COL11A1: variants seen among roughly 807,000 people sequenced by gnomAD.
COL11A1 encodes collagen alpha-1(XI) chain.
COL11A1 carries 74 observed loss-of-function variants against 265.2 expected under a neutral mutation model. The ratio of observed to expected loss-of-function variants is 0.28; its 90% CI spans 0.23 to 0.34. COL11A1 has a LOEUF of 0.34. Among genes scored for constraint, COL11A1 ranks in the 10% least tolerant of loss-of-function variants. COL11A1 has a pLI of 1.00. For synonymous variants in COL11A1, 816 were observed against 727.6 expected (o/e 1.12, Z -1.96); for missense variants, 2,165 against 2,263.6 (o/e 0.96, Z 0.88).
chr1:102,945,662 C>G (rs891957749), intron 42 of COL11A1, among the ~76,000 whole-genome samples: 2 of 151,942 alleles, frequency 1.3e-5, no homozygotes, highest in African/African-American at 4.8e-5. Context: ...TACTTTTTAT[C>G]TACATTTACT....
chr1:103,053,165 C>A (rs752979180), intron 4 of COL11A1, among the ~76,000 whole-genome samples: 1 of 152,116 alleles, frequency 6.6e-6, no homozygotes, highest in Non-Finnish European at 1.5e-5. Flanking sequence ...AGGGCAATGC[C>A]CCTTTTAGAG....
At chr1:102,910,216 AT>A (rs1215286605) in intron 54 of COL11A1, among the ~76,000 whole-genome samples, 1 of 151,916 alleles carries the variant, frequency 6.6e-6, no homozygotes, top group Non-Finnish European at 1.5e-5. Flanking sequence ...TACTTAAAAA[AT>A]TTTTCAAAAA....
At position 103,078,671 on chromosome 1, in the gene COL11A1, T is replaced by C. The variant is rs774693614; in HGVS notation, c.475A>G (p.Ile159Val). ...TTTGTTACTTACTTCCCGTCAGCGA[T>C]GTTAACAGTTCTGAAGAGGGGATAG... Reference protein sequence around the residue: ...EDYPLFRTVNIADGKWHRVAI... With the variant: ...EDYPLFRTVNVADGKWHRVAI... The change falls in exon 3 of 67, where the codon ATC (isoleucine) becomes GTC (valine). Residue 159 changes from isoleucine to valine, a missense_variant. Physicochemically the swap from Ile to Val is conservative, Grantham distance 29. Coordinates refer to ENST00000370096, the MANE Select transcript of COL11A1 (RefSeq NM_001854.4). The C allele has an allele frequency of 6.8e-6, 11 of 1,613,178 alleles. No homozygotes were observed. The East Asian group carries it at 2.5e-4, about 36-fold the overall frequency.
intron 4 of COL11A1, among the ~76,000 whole-genome samples, chr1:103,059,288 G>T (rs1670476337): frequency 6.6e-6 from 1 of 152,048 alleles, no homozygotes; most frequent in Admixed American, 6.6e-5. Context: ...AAGGTCATGG[G>T]GTGAGGGACT....
Position 102,921,588 on chromosome 1 carries a change from T to C in COL11A1, c.3655-17A>G, listed in dbSNP as rs1278748425. On this transcript the variant is annotated splice_polypyrimidine_tract_variant and intron_variant, in intron 47 of 66. Transcript: ENST00000370096. Reference sequence around the variant, plus strand: ...AGGTGGCCCCTGTAAGAGAGAAATATTGAGGTTTACAAAGACCAAATTCAA... The same window carrying C: ...AGGTGGCCCCTGTAAGAGAGAAATACTGAGGTTTACAAAGACCAAATTCAA... 27 of 1,607,214 alleles carry C rather than the reference T, an allele frequency of 1.7e-5. No homozygotes were observed. Among genetic ancestry groups the C allele is most frequent in the Middle Eastern group, 1.7e-4 (1 of 6,050 alleles).
intron 43 of COL11A1, among the ~76,000 whole-genome samples, chr1:102,940,086 T>C (rs145529423): frequency 1.8e-3 from 270 of 152,328 alleles, no homozygotes; most frequent in African/African-American, 5.7e-3. Context: ...TACTAGTTTT[T>C]CTCACTACCA....
intron 32 of COL11A1, 26 bp downstream of exon 32, chr1:102,979,355 AG>A: frequency 6.4e-7 from 1 of 1,567,174 alleles, no homozygotes; most frequent in Non-Finnish European, 8.8e-7. Flanking sequence ...TTATATACAT[AG>A]TTCAAAACAT....
At chr1:102,939,644 C>CA (rs1376221877) in intron 43 of COL11A1, among the ~76,000 whole-genome samples, 6 of 151,886 alleles carry the variant, frequency 4.0e-5, no homozygotes, top group Non-Finnish European at 2.9e-5. Context: ...TTTGAGGCTG[C>CA]AGTGAGCCCT....
At chr1:103,056,764 AT>A (rs1298831000) in intron 4 of COL11A1, among the ~76,000 whole-genome samples, 1 of 152,104 alleles carries the variant, frequency 6.6e-6, no homozygotes. Flanking sequence ...TATTGCCAAG[AT>A]TTTTTTCAGT....
At chr1:103,056,220 G>C (rs192584466) in intron 4 of COL11A1, among the ~76,000 whole-genome samples, 54 of 152,226 alleles carry the variant, frequency 3.5e-4, no homozygotes, top group African/African-American at 1.2e-3. Context: ...AAGTGTACGG[G>C]AATCTGAGAT....
chr1:103,087,385 T>G (rs1455471984), intron 1 of COL11A1, among the ~76,000 whole-genome samples: 1 of 152,198 alleles, frequency 6.6e-6, no homozygotes, highest in Non-Finnish European at 1.5e-5. Context: ...ACCAACTTGA[T>G]TAAGCTTCCA....
At chr1:102,977,754 G>A (rs1662640056) in intron 35 of COL11A1, among the ~76,000 whole-genome samples, 1 of 151,972 alleles carries the variant, frequency 6.6e-6, no homozygotes, top group African/African-American at 2.4e-5. Flanking sequence ...CTTAATTTGG[G>A]AACAGTTCAT....
intron 46 of COL11A1, among the ~76,000 whole-genome samples, chr1:102,928,461 T>C (rs949292160): frequency 3.9e-5 from 6 of 152,148 alleles, no homozygotes; most frequent in African/African-American, 1.4e-4. Context: ...TAGTATTTCA[T>C]GGTGTATATG....
intron 36 of COL11A1, among the ~76,000 whole-genome samples, 198 bp downstream of exon 36, chr1:102,974,629 TTAA>T (rs1302347151): frequency 6.6e-6 from 1 of 152,160 alleles, no homozygotes; most frequent in Non-Finnish European, 1.5e-5. Flanking sequence ...CAAAAAATAC[TTAA>T]TAAGAGATGT....
At chr1:102,964,121 C>G (rs896041740) in intron 38 of COL11A1, among the ~76,000 whole-genome samples, 1 of 152,110 alleles carries the variant, frequency 6.6e-6, no homozygotes, top group Non-Finnish European at 1.5e-5. Flanking sequence ...ACACAAGTCT[C>G]AGAAGTTTTA....
intron 1 of COL11A1, among the ~76,000 whole-genome samples, chr1:103,098,141 G>A (rs1227194511): frequency 6.6e-6 from 1 of 151,846 alleles, no homozygotes; most frequent in African/African-American, 2.4e-5. Flanking sequence ...ACTGAGAAGA[G>A]CAATATTTAT....
chr1:102,961,356 T>C (rs1660888878), intron 41 of COL11A1, among the ~76,000 whole-genome samples: 1 of 152,222 alleles, frequency 6.6e-6, no homozygotes, highest in African/African-American at 2.4e-5. Flanking sequence ...TATAAGATTG[T>C]GCTTATGGGT....
At chr1:103,077,838 T>C (rs1445206632) in intron 3 of COL11A1, among the ~76,000 whole-genome samples, 1 of 152,112 alleles carries the variant, frequency 6.6e-6, no homozygotes, top group African/African-American at 2.4e-5. Context: ...CCCATCTCTA[T>C]CACTTTCCAA....
Position 103,087,377 on chromosome 1 carries a change from C to G in COL11A1, c.107-4405G>C, listed in dbSNP as rs113251100. ...TTTTTCCCATCAATCTTCATTCCACCAACTTGATTAAGCTTCCAAAAATCC... is the reference window on the plus strand; with the variant it reads ...TTTTTCCCATCAATCTTCATTCCACGAACTTGATTAAGCTTCCAAAAATCC... On this transcript the variant is annotated intron_variant, in intron 1 of 66. Coordinates refer to ENST00000370096, the MANE Select transcript of COL11A1 (RefSeq NM_001854.4). Among the ~76,000 whole-genome samples the G allele has an allele frequency of 3.8e-3, 577 of 152,308 alleles. 5 individuals carry two copies. The highest frequency in any genetic ancestry group is 0.012 in the African/African-American group (504 of 41,558).
Sources: allele counts gnomAD v4.1 joint callset (sites outside exome capture counted in the v4.1 genomes callset), GRCh38; gene constraint gnomAD v4.1.1; transcripts MANE v1.5; gene names NCBI Gene and HGNC (gene_info 2026-07-23, HGNC 2026-07-21).